Variants in EFHC2 observed in about 807,000 individuals in gnomAD.
The protein encoded by EFHC2 is EF-hand domain containing 2, also known as EF-hand domain-containing family member C2.
Under a neutral mutation model 52.7 loss-of-function variants are expected in EFHC2, and 18 were observed. The observed-to-expected ratio is 0.34, with a 90% CI of 0.24 to 0.51. The LOEUF (loss-of-function observed/expected upper bound fraction) is 0.51. Ranked by LOEUF, EFHC2 falls within the 20% of genes least tolerant of loss-of-function variation. The pLI is 0.97. For synonymous variants in EFHC2, 203 were observed against 204.1 expected (o/e 0.99, Z 0.04); for missense variants, 513 against 562.5 (o/e 0.91, Z 0.89).
intron 2 of EFHC2, among the ~76,000 whole-genome samples, chrX:44,279,667 T>C (rs1214902210): frequency 1.8e-5 from 2 of 110,927 alleles, no homozygotes; most frequent in African/African-American, 6.6e-5. Context: ...GTAAGAACCG[T>C]GACTTATCAA....
chrX:44,263,979 T>C (rs1314416720), intron 3 of EFHC2, among the ~76,000 whole-genome samples: 2 of 111,952 alleles, frequency 1.8e-5, no homozygotes, highest in Non-Finnish European at 3.8e-5. Flanking sequence ...ATCATCATCA[T>C]AGCCCTAGGA....
chrX:44,213,420 G>A (rs1199627850), intron 11 of EFHC2, among the ~76,000 whole-genome samples: 1 of 111,797 alleles, frequency 8.9e-6, no homozygotes, highest in African/African-American at 3.3e-5. Context: ...GAGAACATAT[G>A]CCCAAGATGG....
At chrX:44,329,614 T>G (rs982351215) in intron 1 of EFHC2, among the ~76,000 whole-genome samples, 69 of 109,876 alleles carry the variant, frequency 6.3e-4, no homozygotes, top group African/African-American at 2.2e-3. Flanking sequence ...AGAATTTTTT[T>G]TTTTTTGATA....
At chrX:44,215,947 A>G (rs2037144883) in intron 11 of EFHC2, among the ~76,000 whole-genome samples, 1 of 112,107 alleles carries the variant, frequency 8.9e-6, no homozygotes, top group African/African-American at 3.2e-5. Flanking sequence ...TGACAAGGGA[A>G]GGTCTTTGAA....
rs200775467 is a variant in EFHC2 at position 44,282,571 on chromosome X, G to A, written c.232-9735C>T. On this transcript the variant is annotated intron_variant, in intron 2 of 14. Transcript: ENST00000420999. ...GTGGAGGTTGCAACGAGCCGAGATC[G>A]CACTACTGCAATCCAGCCTGGGCGA... Among the ~76,000 whole-genome samples the A allele has an allele frequency of 1.7e-3, 129 of 76,718 alleles. 4 individuals carry two copies. The East Asian group carries it at 0.053, about 32-fold the overall frequency. 66.6% of individuals were successfully genotyped at this position (76,718 alleles called of 115,157 possible).
In EFHC2 at chrX:44,293,009, C is replaced by G. The variant is rs150767190; in HGVS notation, c.231+19559G>C. On this transcript the variant is annotated intron_variant, in intron 2 of 14. Transcript: ENST00000420999. ...TTTTTTTTTGAGACAGAGTGTCGCT[C>G]TGTCGCCCAGGCTGGAGTGCAGCAG... 5.1e-3 allele frequency among the ~76,000 whole-genome samples: 513 copies of G among 100,113 alleles called. 8 individuals are homozygous for G. The highest frequency in any genetic ancestry group is 6.5e-3 in the Non-Finnish European group (322 of 49,787). 86.9% of individuals were successfully genotyped at this position (100,113 alleles called of 115,157 possible).
Position 44,260,957 on chromosome X carries a change from A to G in EFHC2, c.606+118T>C, listed in dbSNP as rs914812913. 3.9e-5 allele frequency: 24 copies of G among 610,818 alleles called. No individual in the cohort carries two copies. The African/African-American group carries it at 5.2e-4, about 13-fold the overall frequency. The allele number at this position is 610,818 out of a possible 1,213,427, so 50.3% of individuals were successfully genotyped here. A position where few individuals can be genotyped will look rare whatever the true frequency, so the allele number is the denominator to read the frequency against. ...TAGCCCAAAGAAGAACAAAACTGGA[A>G]TAACTATGGCTCTAAAAGCTCTTTC... On this transcript the variant is annotated intron_variant, in intron 4 of 14. Coordinates refer to ENST00000420999, the MANE Select transcript of EFHC2 (RefSeq NM_025184.4).
intron 1 of EFHC2, among the ~76,000 whole-genome samples, chrX:44,330,728 A>C (rs1216931744): frequency 2.7e-5 from 3 of 112,317 alleles, no homozygotes; most frequent in Non-Finnish European, 5.6e-5. Context: ...TGAGCCAAAG[A>C]CATAAACAGA....
chrX:44,280,030 T>TACACACACCCACAC, intron 2 of EFHC2, among the ~76,000 whole-genome samples: 1 of 66,834 alleles, frequency 1.5e-5, no homozygotes, highest in African/African-American at 6.1e-5. Flanking sequence ...CCATCCCCCA[T>TACACACACCCACAC]ACACACACAC....
intron 1 of EFHC2, among the ~76,000 whole-genome samples, chrX:44,315,739 A>C (rs1253257329): frequency 9.0e-6 from 1 of 110,851 alleles, no homozygotes; most frequent in African/African-American, 3.3e-5. Flanking sequence ...TGAATTAGAT[A>C]GGAGAGGAGA....
intron 8 of EFHC2, among the ~76,000 whole-genome samples, chrX:44,239,976 T>C: frequency 8.9e-6 from 1 of 111,792 alleles, no homozygotes; most frequent in Non-Finnish European, 1.9e-5. Flanking sequence ...AATCTGAAAC[T>C]ATTCCCTCCA....
intron 11 of EFHC2, among the ~76,000 whole-genome samples, chrX:44,205,092 C>T (rs1028443304): frequency 9.0e-6 from 1 of 111,689 alleles, no homozygotes; most frequent in African/African-American, 3.3e-5. Flanking sequence ...CCAAGAATTT[C>T]ATACCCCACC....
chrX:44,268,484 C>T (rs973201168), intron 3 of EFHC2, among the ~76,000 whole-genome samples: 5 of 111,155 alleles, frequency 4.5e-5, no homozygotes, highest in Non-Finnish European at 7.5e-5. Flanking sequence ...ATAATGAAAA[C>T]AATAATGCAA....
intron 11 of EFHC2, among the ~76,000 whole-genome samples, chrX:44,205,970 G>A (rs759884520): frequency 1.7e-4 from 19 of 111,424 alleles, no homozygotes; most frequent in African/African-American, 5.9e-4. Flanking sequence ...GATTGACCAC[G>A]TGCTCAGTCA....
At chrX:44,315,576 GCCTGCATCTGAA>G (rs1189704315) in intron 1 of EFHC2, among the ~76,000 whole-genome samples, 1 of 111,390 alleles carries the variant, frequency 9.0e-6, no homozygotes, top group Non-Finnish European at 1.9e-5. Flanking sequence ...AACTAGTGGA[GCCTGCATCTGAA>G]CCTAAGATCA....
intron 8 of EFHC2, 70 bp from the exon 9 acceptor site, chrX:44,235,517 C>A: frequency 9.9e-7 from 1 of 1,013,318 alleles, no homozygotes. Flanking sequence ...TTTTAAAAGT[C>A]TGCAAAAGAT....
intron 4 of EFHC2, among the ~76,000 whole-genome samples, chrX:44,253,872 G>T (rs997091086): frequency 8.9e-5 from 10 of 112,218 alleles, no homozygotes; most frequent in African/African-American, 3.2e-4. Flanking sequence ...GGAGACCTCC[G>T]ACTGGCATCT....
At chrX:44,209,019 CTGTGTGTGTGTGTGTGTGTG>C (rs753101565) in intron 11 of EFHC2, among the ~76,000 whole-genome samples, 1,194 of 69,975 alleles carry the variant, frequency 0.017, 20 homozygotes, top group East Asian at 0.048. Context: ...GATTGGCAAT[CTGTGTGTGTGTGTGTGTGTG>C]TGTGTGTGTG....
At chrX:44,253,468 T>C (rs1410313752) in intron 4 of EFHC2, among the ~76,000 whole-genome samples, 3 of 111,288 alleles carry the variant, frequency 2.7e-5, no homozygotes, top group Non-Finnish European at 3.8e-5. Flanking sequence ...GAGGCTTGTG[T>C]AGGCGGTTTT....
Sources: gnomAD v4.1 joint callset for allele counts (sites outside exome capture counted in the v4.1 genomes callset) on GRCh38, gnomAD v4.1.1 for gene constraint, MANE v1.5 for transcripts, NCBI Gene and HGNC (gene_info 2026-07-23, HGNC 2026-07-21) for gene names.